The following TMEFF1 variants were observed in gnomAD, a reference collection of about 807,000 sequenced individuals.
The protein encoded by TMEFF1 is tomoregulin-1.
In TMEFF1, 20 loss-of-function variants were observed where a neutral mutation model predicts 47.5. That is an observed-to-expected ratio of 0.42 (90% CI 0.30 to 0.61). The LOEUF is 0.61. Ranked by LOEUF, TMEFF1 falls within the 20% of genes least tolerant of loss-of-function variation. The pLI, the probability that TMEFF1 is intolerant of heterozygous loss-of-function variation, is 0.19. For missense variants in TMEFF1, 411 were observed against 471.1 expected, an observed-to-expected ratio of 0.87 and a Z score of 1.18; for synonymous variants, 162 against 166.3, an observed-to-expected ratio of 0.97 and a Z score of 0.20.
rs1839272398 is a variant in TMEFF1, at chr9:100,572,801, G to T, written c.1058+125G>T. On this transcript the variant is annotated intron_variant, in intron 9 of 9. Transcript: ENST00000374879. ...GATCAGTTCCCTGAGGTTTTCAGTGGTCTCTCCCTATCCTTCTTCTTTAGG... is the reference window on the plus strand; with the variant it reads ...GATCAGTTCCCTGAGGTTTTCAGTGTTCTCTCCCTATCCTTCTTCTTTAGG... The T allele has an allele frequency of 3.3e-6, 4 of 1,221,154 alleles. No homozygotes were observed. The African/African-American group carries it at 6.2e-5, about 19-fold the overall frequency. The allele number at this position is 1,221,154 out of a possible 1,614,324, so 75.6% of individuals were successfully genotyped here.
chr9:100,510,622 A>G (rs1321190296), intron 3 of TMEFF1, among the ~76,000 whole-genome samples: 1 of 152,048 alleles, frequency 6.6e-6, no homozygotes, highest in Non-Finnish European at 1.5e-5. Flanking sequence ...GACACATGCC[A>G]ACATGCCAGG....
chr9:100,531,747 C>A (rs1157001007), intron 5 of TMEFF1, among the ~76,000 whole-genome samples: 3 of 152,248 alleles, frequency 2.0e-5, no homozygotes, highest in African/African-American at 7.2e-5. Context: ...CTTTAAAATT[C>A]ATATGGAACC....
At chr9:100,524,054 C>G (rs1180309117) in intron 5 of TMEFF1, among the ~76,000 whole-genome samples, 1 of 152,060 alleles carries the variant, frequency 6.6e-6, no homozygotes. Context: ...CACTCAGTTG[C>G]CTTCACTAGA....
chr9:100,544,087 GAT>G (rs35750255), intron 5 of TMEFF1, among the ~76,000 whole-genome samples: 42 of 146,944 alleles, frequency 2.9e-4, no homozygotes, highest in East Asian at 4.0e-4. Context: ...CCTTCATGCT[GAT>G]ATATATATAT....
intron 3 of TMEFF1, 51 bp from the exon 4 acceptor site, chr9:100,513,256 A>G (rs1221584868): frequency 7.6e-6 from 12 of 1,576,860 alleles, no homozygotes; most frequent in African/African-American, 2.7e-5. Context: ...ATTTGATAAG[A>G]TGAAATTTCC....
chr9:100,550,084 T>G lies in TMEFF1; in HGVS notation c.710-11T>G. ...TATATATTTTAATTTGAAAACCGTCTTCTCTTACAGATACAGATGACACTA... is the reference window on the plus strand; with the variant it reads ...TATATATTTTAATTTGAAAACCGTCGTCTCTTACAGATACAGATGACACTA... On this transcript the variant is annotated splice_polypyrimidine_tract_variant and intron_variant, in intron 6 of 9. Coordinates refer to ENST00000374879, the MANE Select transcript of TMEFF1 (RefSeq NM_003692.5). 1.9e-6 allele frequency: 3 copies of G among 1,604,050 alleles called. No individual in the cohort carries two copies. Among genetic ancestry groups the G allele is most frequent in the Non-Finnish European group, 2.5e-6 (3 of 1,176,918 alleles).
chr9:100,537,034 GAGAT>G (rs931562621), intron 5 of TMEFF1, among the ~76,000 whole-genome samples: 2 of 152,330 alleles, frequency 1.3e-5, no homozygotes, highest in Admixed American at 1.3e-4. Flanking sequence ...TCAGCATGCT[GAGAT>G]AGATAATCTA....
chr9:100,530,341 A>G (rs928010700), intron 5 of TMEFF1, among the ~76,000 whole-genome samples: 10 of 152,156 alleles, frequency 6.6e-5, no homozygotes, highest in African/African-American at 2.4e-4. Context: ...ACTGCTAGCA[A>G]GACTAACAAA....
chr9:100,549,913 C>T (rs1838801054), intron 6 of TMEFF1, among the ~76,000 whole-genome samples, 182 bp from the exon 7 acceptor site: 1 of 152,086 alleles, frequency 6.6e-6, no homozygotes, highest in Non-Finnish European at 1.5e-5. Context: ...GCACTTATAC[C>T]TAGGATGCCT....
At chr9:100,513,211 A>G (rs1450745779) in intron 3 of TMEFF1, 96 bp from the exon 4 acceptor site, 14 of 1,503,940 alleles carry the variant, frequency 9.3e-6, no homozygotes, top group African/African-American at 1.4e-5. Context: ...TTGAGAATGG[A>G]TATCACAGTT....
chr9:100,536,541 A>G (rs1310673634), intron 5 of TMEFF1, among the ~76,000 whole-genome samples: 1 of 152,198 alleles, frequency 6.6e-6, no homozygotes. Context: ...AAGCATTGTC[A>G]CTAATTTTGG....
rs984973470 is a variant in TMEFF1, at chr9:100,577,452, A to G, written c.*852A>G. 4 of 152,600 alleles carry G rather than the reference A, an allele frequency of 2.6e-5. No individual in the cohort carries two copies. The highest frequency in any genetic ancestry group is 4.8e-5 in the African/African-American group (2 of 41,456). The allele number at this position is 152,600 out of a possible 1,614,324, so 9.5% of individuals were successfully genotyped here. A position where few individuals can be genotyped will look rare whatever the true frequency, so the allele number is the denominator to read the frequency against. ...GTATATCCAAATTTGTCCTGTAGTA[A>G]TAGATTAATATTCATAGATTGTTGG... On this transcript the variant is annotated 3_prime_UTR_variant, in exon 10 of 10. Transcript: ENST00000374879.
intron 2 of TMEFF1, among the ~76,000 whole-genome samples, chr9:100,502,394 C>G (rs1011982410): frequency 6.6e-6 from 1 of 152,080 alleles, no homozygotes; most frequent in Admixed American, 6.6e-5. Flanking sequence ...GGGTCTCACT[C>G]TGTTGCCTAG....
At chr9:100,526,150 T>A (rs1470184254) in intron 5 of TMEFF1, among the ~76,000 whole-genome samples, 1 of 152,228 alleles carries the variant, frequency 6.6e-6, no homozygotes, top group African/African-American at 2.4e-5. Context: ...TAAGAAAGTG[T>A]TGCTTTGTTG....
chr9:100,495,756 C>T (rs1007955970), intron 1 of TMEFF1, among the ~76,000 whole-genome samples: 14 of 152,050 alleles, frequency 9.2e-5, no homozygotes, highest in African/African-American at 2.7e-4. Context: ...TTACCCTTAC[C>T]TATTAATGAT....
At position 100,576,746 on chromosome 9, in the gene TMEFF1, G is replaced by T. The variant is rs191884518; in HGVS notation, c.*146G>T. On this transcript the variant is annotated 3_prime_UTR_variant, in exon 10 of 10. Transcript: ENST00000374879. ...GCTCGTATTTAGAATATTCAGCTAC[G>T]ACAGTTTTGGACTGTTTAGTAGTCT... is the stretch of plus-strand genomic sequence containing the variant. 183 of 935,006 alleles carry T rather than the reference G, an allele frequency of 2.0e-4. 1 individual carries two copies. In the African/African-American group the frequency reaches 2.7e-3, roughly 14 times the overall value. The allele number at this position is 935,006 out of a possible 1,614,324, so 57.9% of individuals were successfully genotyped here.
At chr9:100,486,036 T>A (rs1320633228) in intron 1 of TMEFF1, among the ~76,000 whole-genome samples, 2 of 150,434 alleles carry the variant, frequency 1.3e-5, no homozygotes, top group Non-Finnish European at 3.0e-5. Context: ...AATTTCTCTC[T>A]CTCTTTTTTT....
rs546191952 is a variant in TMEFF1, at chr9:100,557,152, A to G, written c.776-4245A>G. On this transcript the variant is annotated intron_variant, in intron 7 of 9. Transcript: ENST00000374879. ...TTGAGATTCCATTTACATGCCATTA[A>G]GTTCATCTGTTTAAAGTGTGCAATT... Among the ~76,000 whole-genome samples the G allele has an allele frequency of 2.0e-5, 3 of 151,580 alleles. No homozygotes were observed. The East Asian group carries it at 5.8e-4, about 29-fold the overall frequency.
intron 5 of TMEFF1, among the ~76,000 whole-genome samples, chr9:100,536,055 A>G (rs1453004352): frequency 6.6e-6 from 1 of 152,142 alleles, no homozygotes; most frequent in Non-Finnish European, 1.5e-5. Context: ...TTTTATTTTG[A>G]TATATTAAAA....
Sources: gnomAD v4.1 joint callset for allele counts (sites outside exome capture counted in the v4.1 genomes callset) on GRCh38, gnomAD v4.1.1 for gene constraint, MANE v1.5 for transcripts, NCBI Gene and HGNC (gene_info 2026-07-23, HGNC 2026-07-21) for gene names.